CTSB: variants seen among roughly 807,000 people sequenced by gnomAD.
The protein encoded by CTSB is APP secretase.
CTSB carries 57 observed loss-of-function variants against 44.3 expected under a neutral mutation model. The observed-to-expected ratio is 1.29, with a 90% CI of 1.04 to 1.60. The LOEUF is 1.60. CTSB is among the 40% of genes most tolerant of loss of function. The probability of loss-of-function intolerance (pLI) is 0.00; values close to 1 mark genes in which losing one functional copy is unlikely to be tolerated. For synonymous variants in CTSB, 320 were observed against 168.0 expected, an observed-to-expected ratio of 1.91 and a Z score of -7.00; for missense variants, 768 against 443.0, an observed-to-expected ratio of 1.73 and a Z score of -6.59.
chr8:11,845,697 C>G lies in CTSB; in HGVS notation c.886G>C (p.Val296Leu), dbSNP rs200851570. The stretch of plus-strand genomic sequence containing the variant: ...CAGTCAGTGTTCCAGGAGTTGGCAA[C>G]CAGCCAGTAGGGTGTGCCATTCTCC... ...GVENGTPYWL[V>L]ANSWNTDWGD... Residue 296 changes from valine (V) to leucine (L), a missense_variant, in exon 9 of 10, where the codon GTT becomes CTT. Transcript: ENST00000353047. 6.2e-7 allele frequency: 1 copy of G among 1,614,054 alleles called. No individual in the cohort carries two copies. The highest frequency in any genetic ancestry group is 8.5e-7 in the Non-Finnish European group (1 of 1,179,916).
At chr8:11,855,846 C>T (rs928813577) in intron 1 of CTSB, among the ~76,000 whole-genome samples, 22 of 151,830 alleles carry the variant, frequency 1.4e-4, no homozygotes, top group African/African-American at 4.3e-4. Flanking sequence ...GGTGAAACCC[C>T]GTCTCCACTA....
chr8:11,849,204 G>T, intron 4 of CTSB, 40 bp from the exon 5 acceptor site: 1 of 1,560,134 alleles, frequency 6.4e-7, no homozygotes, highest in Non-Finnish European at 8.8e-7. Context: ...TGCCATGTCC[G>T]GGCTGGGCCC....
At chr8:11,847,541 G>A (rs1033205461) in intron 7 of CTSB, 138 bp downstream of exon 7, 4 of 922,522 alleles carry the variant, frequency 4.3e-6, no homozygotes, top group African/African-American at 1.7e-5. Context: ...TGGCAAGAGG[G>A]CATCACTCCC....
intron 1 of CTSB, among the ~76,000 whole-genome samples, chr8:11,860,385 G>A (rs1660999318): frequency 6.6e-6 from 1 of 152,174 alleles, no homozygotes; most frequent in South Asian, 2.1e-4. Flanking sequence ...CACTTTGGGA[G>A]GCCAAGGAGG....
chr8:11,863,952 C>G (rs1563437266), intron 1 of CTSB, among the ~76,000 whole-genome samples: 2 of 152,262 alleles, frequency 1.3e-5, no homozygotes, highest in Non-Finnish European at 2.9e-5. Context: ...TTCTAAGTAT[C>G]TGGGAGACAC....
At chr8:11,856,704 G>C (rs1018631015) in intron 1 of CTSB, among the ~76,000 whole-genome samples, 1 of 152,120 alleles carries the variant, frequency 6.6e-6, no homozygotes, top group Non-Finnish European at 1.5e-5. Flanking sequence ...AGCAAGCTGT[G>C]GGTGACTGAG....
chr8:11,848,052 A>AG lies in CTSB; in HGVS notation c.532+14dup. 6.3e-7 allele frequency: 1 copy of AG among 1,595,596 alleles called. No individual in the cohort carries two copies. The highest frequency in any genetic ancestry group is 8.6e-7 in the Non-Finnish European group (1 of 1,166,766). ...AATCCATCTGGCCAGAAAGTGGCCA[A>AG]GGGGACACACTTACCTACATGGGAT... On this transcript the variant is annotated intron_variant, in intron 6 of 9. Transcript: ENST00000353047.
rs1020064134 is a variant in CTSB at position 11,868,071 on chromosome 8, G to C, written c.-96C>G. The C allele has an allele frequency of 2.0e-5, 3 of 152,586 alleles. No homozygotes were observed. The highest frequency in any genetic ancestry group is 7.2e-5 in the African/African-American group (3 of 41,398). The allele number at this position is 152,586 out of a possible 1,614,324, so 9.5% of individuals were successfully genotyped here. On this transcript the variant is annotated 5_prime_UTR_variant, in exon 1 of 10. Transcript: ENST00000353047. ...AGCGGTTGGCGTTGCCGGAGCGGTT[G>C]CCGGAGCCCTGCAGCCGCCGTAGCC...
At chr8:11,853,029 C>A (rs982079485) in intron 2 of CTSB, among the ~76,000 whole-genome samples, 1 of 152,126 alleles carries the variant, frequency 6.6e-6, no homozygotes, top group African/African-American at 2.4e-5. Context: ...CCACGGCGGG[C>A]GTCACAGGGG....
chr8:11,867,852 G>A, intron 1 of CTSB, 149 bp downstream of exon 1: 1 of 152,140 alleles, frequency 6.6e-6, no homozygotes, highest in South Asian at 2.1e-4. Context: ...CAGTCCCGAG[G>A]GTCCCGGCTC....
chr8:11,849,134 G>T lies in CTSB; in HGVS notation c.358C>A (p.Arg120=). 1 of 1,613,030 alleles carries T rather than the reference G, an allele frequency of 6.2e-7. No individual in the cohort carries two copies. Among genetic ancestry groups the T allele is most frequent in the South Asian group, 1.1e-5 (1 of 91,022 alleles). Residue 120 remains arginine (R), a synonymous_variant, in exon 5 of 10, where the codon CGG becomes AGG. Coordinates refer to ENST00000353047, the MANE Select transcript of CTSB (RefSeq NM_001908.5). Reference sequence around the variant, plus strand: ...TGCGCATTGGTGTGGATGCAGATCCGGTCAGAGATGGCTTCCACAGCCCCG... The same window carrying T: ...TGCGCATTGGTGTGGATGCAGATCCTGTCAGAGATGGCTTCCACAGCCCCG... The part of the protein sequence containing the change: ...AFGAVEAISD[R]ICIHTNAHVS...
chr8:11,857,047 G>C (rs1300192135), intron 1 of CTSB, among the ~76,000 whole-genome samples: 1 of 152,076 alleles, frequency 6.6e-6, no homozygotes, highest in African/African-American at 2.4e-5. Context: ...CTTTGAGATG[G>C]GAGTCTCGCT....
intron 1 of CTSB, 131 bp from the exon 2 acceptor site, chr8:11,853,610 G>C (rs1368792559): frequency 2.3e-6 from 2 of 866,802 alleles, no homozygotes; most frequent in Admixed American, 3.0e-5. Context: ...AACTCTTAAG[G>C]AGCTGAGGTG....
At chr8:11,859,013 C>T (rs894898845) in intron 1 of CTSB, among the ~76,000 whole-genome samples, 7 of 152,234 alleles carry the variant, frequency 4.6e-5, no homozygotes, top group Admixed American at 6.5e-5. Flanking sequence ...TTCCAGGATG[C>T]GGGCTGGTGG....
At chr8:11,852,510 C>G (rs1814772068) in intron 3 of CTSB, 100 bp downstream of exon 3, 2 of 825,450 alleles carry the variant, frequency 2.4e-6, no homozygotes, top group East Asian at 5.3e-5. Flanking sequence ...GCAGCATGAG[C>G]CCTGCGGACG....
rs780205311 is a variant in CTSB, at chr8:11,845,815, C to G, written c.794-26G>C. The G allele has an allele frequency of 1.5e-5, 24 of 1,597,122 alleles. No individual in the cohort carries two copies. The South Asian group carries it at 2.6e-4, about 17-fold the overall frequency. ...CTGAAAAGGGAAGAACTGGCTGAGA[C>G]CGAGACCGGGCCACTGTCCCACGCC... is the stretch of plus-strand genomic sequence containing the variant. On this transcript the variant is annotated intron_variant, in intron 8 of 9. Transcript: ENST00000353047.
intron 9 of CTSB, 83 bp from the exon 10 acceptor site, chr8:11,845,305 C>T (rs958070536): frequency 1.9e-6 from 2 of 1,071,104 alleles, no homozygotes; most frequent in Non-Finnish European, 2.8e-6. Flanking sequence ...GACCTTAAGT[C>T]ACTCATCCCT....
Position 11,845,016 on chromosome 8 carries a change from C to T in CTSB, c.*109G>A. The T allele has an allele frequency of 4.0e-6, 3 of 745,298 alleles. No homozygotes were observed. In the South Asian group the frequency reaches 4.8e-5, roughly 12 times the overall value. 46.2% of individuals were successfully genotyped at this position (745,298 alleles called of 1,614,324 possible). On this transcript the variant is annotated 3_prime_UTR_variant, in exon 10 of 10. Transcript: ENST00000353047. ...AGACAGGTCTGATGTTTGGCCAATC[C>T]AGTCCTTCAGACCCTGTCTGAAACT...
intron 1 of CTSB, among the ~76,000 whole-genome samples, chr8:11,865,106 G>A (rs971619226): frequency 6.6e-6 from 1 of 152,122 alleles, no homozygotes; most frequent in Non-Finnish European, 1.5e-5. Flanking sequence ...ATATCCCAGA[G>A]GCACAGCACA....
Sources: allele counts gnomAD v4.1 joint callset (sites outside exome capture counted in the v4.1 genomes callset), GRCh38; gene constraint gnomAD v4.1.1; transcripts MANE v1.5; gene names NCBI Gene and HGNC (gene_info 2026-07-23, HGNC 2026-07-21).